The following MATK variants were observed in gnomAD, a reference collection of about 807,000 sequenced individuals.
MATK encodes the protein megakaryocyte-associated tyrosine kinase, also known as megakaryocyte-associated tyrosine-protein kinase.
Under a neutral mutation model 59.8 loss-of-function variants are expected in MATK, and 41 were observed. That is an observed-to-expected ratio of 0.69 (90% CI 0.53 to 0.89). The LOEUF (loss-of-function observed/expected upper bound fraction) is 0.89. Among genes scored for constraint, MATK ranks in the 40% least tolerant of loss-of-function variants. The pLI is 0.00. For synonymous variants in MATK, 308 were observed against 306.1 expected, an observed-to-expected ratio of 1.01 and a Z score of -0.06; for missense variants, 593 against 719.6, an observed-to-expected ratio of 0.82 and a Z score of 2.01.
At chr19:3,792,294 A>G (rs1440337242) in intron 1 of MATK, among the ~76,000 whole-genome samples, 1 of 152,116 alleles carries the variant, frequency 6.6e-6, no homozygotes, top group African/African-American at 2.4e-5. Context: ...AAATCATAGT[A>G]GGCAATAAAC....
In MATK at chr19:3,779,396, T is replaced by C; in HGVS notation, c.983A>G (p.Gln328Arg). 1 of 1,613,314 alleles carries C rather than the reference T, an allele frequency of 6.2e-7. No individual in the cohort carries two copies. The highest frequency in any genetic ancestry group is 1.7e-5 in the Admixed American group (1 of 60,028). Residue 328 changes from glutamine (Q) to arginine (R), a missense_variant, in exon 11 of 14, where the codon CAG becomes CGG. Coordinates refer to ENST00000310132, the MANE Select transcript of MATK (RefSeq NM_139355.3). Reference protein sequence around the residue: ...TRGRALVNTAQLLQFSLHVAE... With the variant: ...TRGRALVNTARLLQFSLHVAE... Reference sequence around the variant, plus strand: ...CACTTACAGAGAAAACTGCAGGAGCTGAGCGGTGTTCACGAGGGCTCGACC... The same window carrying C: ...CACTTACAGAGAAAACTGCAGGAGCCGAGCGGTGTTCACGAGGGCTCGACC...
chr19:3,786,439 C>A, upstream of MATK: 1 of 973,772 alleles, frequency 1.0e-6, no homozygotes, highest in Non-Finnish European at 1.2e-6. The surrounding 1 kb of genome is among the most constrained non-coding windows in gnomAD (Gnocchi z 4.1). Flanking sequence ...GCCTCCGCGG[C>A]CCCCGGCGCC....
chr19:3,778,484 G>T, intron 13 of MATK, 25 bp downstream of exon 13: 2 of 1,613,820 alleles, frequency 1.2e-6, no homozygotes, highest in Non-Finnish European at 1.7e-6. Context: ...CCGGAACCCA[G>T]TGCCTCCCTG....
intron 1 of MATK, among the ~76,000 whole-genome samples, chr19:3,798,452 G>A (rs148198930): frequency 3.2e-4 from 48 of 152,284 alleles, no homozygotes; most frequent in Middle Eastern, 6.8e-3. Flanking sequence ...GGCATCCAGC[G>A]TTCTAGAAGC....
In MATK at chr19:3,781,788, C is replaced by T. The variant is rs2037405328; in HGVS notation, c.677-116G>A. 7.4e-6 allele frequency: 6 copies of T among 812,022 alleles called. No individual in the cohort carries two copies. The Admixed American group carries it at 1.2e-4, about 16-fold the overall frequency. 50.3% of individuals were successfully genotyped at this position (812,022 alleles called of 1,614,324 possible). On this transcript the variant is annotated intron_variant, in intron 7 of 13. Transcript: ENST00000310132. ...TCACAGTGCTGCAGCTGTGGATACACATTTGAGTGGCTGCTGGGCCTGGCA... is the reference window on the plus strand; with the variant it reads ...TCACAGTGCTGCAGCTGTGGATACATATTTGAGTGGCTGCTGGGCCTGGCA...
chr19:3,784,297 C>G, intron 4 of MATK, 41 bp downstream of exon 4: 1 of 1,587,804 alleles, frequency 6.3e-7, no homozygotes, highest in Non-Finnish European at 8.6e-7. Flanking sequence ...CCTGGTGGAG[C>G]CCCCAGCCCC....
At chr19:3,798,297 A>G (rs1305617402) in intron 1 of MATK, among the ~76,000 whole-genome samples, 1 of 151,062 alleles carries the variant, frequency 6.6e-6, no homozygotes, top group African/African-American at 2.4e-5. Context: ...GTTGACTAAC[A>G]ATTATGATGG....
At chr19:3,781,558 A>G (rs773738627) in intron 8 of MATK, 49 bp downstream of exon 8, 1 of 1,591,306 alleles carries the variant, frequency 6.3e-7, no homozygotes, top group East Asian at 2.2e-5. Context: ...AAGCCTCAAT[A>G]CGCACCTCCC....
Position 3,779,041 on chromosome 19 carries a change from G to A in MATK, c.1148C>T (p.Ser383Leu), listed in dbSNP as rs1231560590. ...CGTCCACTTGACGGGCAGCCGGCTT[G>A]AGTCTAGCCCCTTCCGCTCGGCTTT... The part of the protein sequence containing the change: ...LAKAERKGLD[S>L]SRLPVKWTAP... Residue 383 changes from serine (S) to leucine (L), a missense_variant, in exon 12 of 14, where the codon TCA (serine) becomes TTA (leucine). Transcript: ENST00000310132. The A allele has an allele frequency of 6.3e-7, 1 of 1,590,302 alleles. No individual in the cohort carries two copies. The highest frequency in any genetic ancestry group is 1.8e-5 in the Admixed American group (1 of 57,010).
Position 3,786,106 on chromosome 19 carries a change from C to A in MATK, c.-152+63G>T. Reference sequence around the variant, plus strand: ...TCCCGGGCCCACCCCCGCCTAGAGCCCTCGGGGTTTCCCCCCACCCCGGCC... The same window carrying A: ...TCCCGGGCCCACCCCCGCCTAGAGCACTCGGGGTTTCCCCCCACCCCGGCC... On this transcript the variant is annotated intron_variant, in intron 1 of 13. Coordinates refer to ENST00000310132, the MANE Select transcript of MATK (RefSeq NM_139355.3). This position sits in a 1 kb window ranked among gnomAD's most constrained non-coding sequence, Gnocchi z 4.1. 1.4e-6 allele frequency: 1 copy of A among 728,904 alleles called. No individual in the cohort carries two copies. The highest frequency in any genetic ancestry group is 1.7e-6 in the Non-Finnish European group (1 of 595,300). 45.2% of individuals were successfully genotyped at this position (728,904 alleles called of 1,614,324 possible).
intron 12 of MATK, 108 bp downstream of exon 12, chr19:3,778,884 A>C: frequency 8.6e-7 from 1 of 1,160,822 alleles, no homozygotes; most frequent in East Asian, 2.5e-5. Context: ...CTGGGGAGGC[A>C]TAGCCATTGC....
At position 3,778,499 on chromosome 19, in the gene MATK, C is replaced by T. The variant is rs761035382; in HGVS notation, c.1284+10G>A. On this transcript the variant is annotated intron_variant, in intron 13 of 13. Coordinates refer to ENST00000310132, the MANE Select transcript of MATK (RefSeq NM_139355.3). ...CCGGAACCCAGTGCCTCCCTGGGACCCCCGCTCACCATTTTAGGGTACGGA... is the reference window on the plus strand; with the variant it reads ...CCGGAACCCAGTGCCTCCCTGGGACTCCCGCTCACCATTTTAGGGTACGGA... 2 of 1,613,874 alleles carry T rather than the reference C, an allele frequency of 1.2e-6. No homozygotes were observed. The highest frequency in any genetic ancestry group is 1.7e-5 in the Admixed American group (1 of 60,014).
At chr19:3,783,434 T>C (rs1392989438) in intron 6 of MATK, 1 of 599,906 alleles carries the variant, frequency 1.7e-6, no homozygotes, top group Non-Finnish European at 3.0e-6. Context: ...CCCAGAGGAG[T>C]CACTCTAGTC....
chr19:3,783,701 G>A, intron 6 of MATK, 113 bp downstream of exon 6: 1 of 934,832 alleles, frequency 1.1e-6, no homozygotes, highest in South Asian at 1.6e-5. Flanking sequence ...CCCAGCTGCT[G>A]GGGAAGGGAT....
intron 6 of MATK, 109 bp from the exon 7 acceptor site, chr19:3,783,328 G>A (rs778659838): frequency 4.2e-6 from 3 of 718,660 alleles, no homozygotes; most frequent in Non-Finnish European, 7.4e-6. Flanking sequence ...CGGGGAGGAG[G>A]AGAAAGGCTG....
chr19:3,782,496 T>A (rs2037415118), intron 7 of MATK, among the ~76,000 whole-genome samples: 1 of 152,214 alleles, frequency 6.6e-6, no homozygotes. Context: ...GGAAAAGCAT[T>A]TCAGGTGAAG....
intron 3 of MATK, 158 bp from the exon 4 acceptor site, chr19:3,784,609 G>A (rs1490203830): frequency 7.7e-6 from 5 of 647,568 alleles, no homozygotes; most frequent in Non-Finnish European, 1.4e-5. Context: ...GGGAAAGAAA[G>A]GGGGAGTGGG....
intron 6 of MATK, 176 bp from the exon 7 acceptor site, chr19:3,783,395 G>C (rs909269444): frequency 6.3e-6 from 4 of 629,986 alleles, no homozygotes; most frequent in Non-Finnish European, 8.5e-6. Flanking sequence ...CCTCTGGATT[G>C]GTATCAACTT....
At chr19:3,778,726 C>A in intron 12 of MATK, 131 bp from the exon 13 acceptor site, 1 of 1,045,758 alleles carries the variant, frequency 9.6e-7, no homozygotes, top group Non-Finnish European at 1.4e-6. Flanking sequence ...TCCCCCAACG[C>A]CGCCCGCAGT....
Sources: gnomAD v4.1 joint callset for allele counts (sites outside exome capture counted in the v4.1 genomes callset) on GRCh38, gnomAD v4.1.1 for gene constraint, Gnocchi (gnomAD v3.1) non-coding constraint, MANE v1.5 for transcripts, NCBI Gene and HGNC (gene_info 2026-07-23, HGNC 2026-07-21) for gene names.